Variants in PPM1A observed in about 807,000 individuals in gnomAD.
PPM1A encodes the protein protein phosphatase, Mg2+/Mn2+ dependent 1A, also known as protein phosphatase 1A.
In PPM1A, 7 loss-of-function variants were observed where a neutral mutation model predicts 35.0. The observed-to-expected ratio is 0.20, with a 90% confidence interval of 0.11 to 0.38. The LOEUF (loss-of-function observed/expected upper bound fraction) is 0.38, where lower values mean the gene tolerates loss of function less well. Among genes scored for constraint, PPM1A ranks in the 10% least tolerant of loss-of-function variants. PPM1A has a pLI of 1.00. For synonymous variants in PPM1A, 153 were observed against 167.3 expected, an observed-to-expected ratio of 0.91 and a Z score of 0.66; for missense variants, 239 against 467.8, an observed-to-expected ratio of 0.51 and a Z score of 4.51.
At chr14:60,276,010 C>T (rs572945583) in intron 1 of PPM1A, among the ~76,000 whole-genome samples, 25 of 152,038 alleles carry the variant, frequency 1.6e-4, no homozygotes, top group Non-Finnish European at 3.5e-4. Flanking sequence ...CTAAATTATC[C>T]TTTATAGAGA....
At chr14:60,258,549 G>T (rs1883395047) in intron 1 of PPM1A, among the ~76,000 whole-genome samples, 1 of 152,050 alleles carries the variant, frequency 6.6e-6, no homozygotes, top group South Asian at 2.1e-4. Context: ...AGTCATTGAT[G>T]AACAGTAATC....
chr14:60,277,668 C>A (rs1282654826), intron 1 of PPM1A, among the ~76,000 whole-genome samples: 1 of 152,048 alleles, frequency 6.6e-6, no homozygotes, highest in Non-Finnish European at 1.5e-5. Context: ...AGAGTGAGGT[C>A]CCTGCTAGTT....
intron 1 of PPM1A, among the ~76,000 whole-genome samples, chr14:60,276,607 C>T (rs575630538): frequency 4.5e-4 from 68 of 152,202 alleles, no homozygotes; most frequent in Non-Finnish European, 7.5e-4. Flanking sequence ...GCCTGGGGGG[C>T]GTTCCCTATT....
chr14:60,253,781 G>A (rs933465430), intron 1 of PPM1A, among the ~76,000 whole-genome samples: 23 of 152,162 alleles, frequency 1.5e-4, no homozygotes, highest in Non-Finnish European at 2.8e-4. Context: ...TCAAGTGGTT[G>A]ATATCCTTAA....
chr14:60,254,722 T>C (rs1882847619), intron 1 of PPM1A, among the ~76,000 whole-genome samples: 1 of 152,226 alleles, frequency 6.6e-6, no homozygotes, highest in African/African-American at 2.4e-5. Context: ...CCAACTGGTC[T>C]CTTTCCTGCT....
chr14:60,253,401 A>G (rs1160423291), intron 1 of PPM1A, among the ~76,000 whole-genome samples: 1 of 152,180 alleles, frequency 6.6e-6, no homozygotes, highest in Non-Finnish European at 1.5e-5. Context: ...TTTATAAATA[A>G]GGAAATACAG....
At chr14:60,268,153 A>G in intron 1 of PPM1A, 1 of 263,226 alleles carries the variant, frequency 3.8e-6, no homozygotes, top group Non-Finnish European at 5.9e-6. Flanking sequence ...CCAGTCCATA[A>G]TCACATATTA....
In PPM1A at chr14:60,249,227, G is replaced by T; in HGVS notation, c.-471G>T. ...GCCTGCGCGGGGCCGCGCTAGAGGC[G>T]GCGGCGGCGGCGGTGGCGGCGCTAG... On this transcript the variant is annotated 5_prime_UTR_variant, in exon 1 of 6. Transcript: ENST00000395076. This position sits in a 1 kb window ranked among gnomAD's most constrained non-coding sequence, Gnocchi z 4.5. 1 of 987,866 alleles carries T rather than the reference G, an allele frequency of 1.0e-6. No homozygotes were observed. Among genetic ancestry groups the T allele is most frequent in the Non-Finnish European group, 1.2e-6 (1 of 832,024 alleles). 61.2% of individuals were successfully genotyped at this position (987,866 alleles called of 1,614,324 possible).
At chr14:60,287,179 T>C in intron 3 of PPM1A, 2 of 940,014 alleles carry the variant, frequency 2.1e-6, no homozygotes, top group Non-Finnish European at 2.5e-6. Flanking sequence ...TTGCTACTTT[T>C]CTCTTTAGTG....
intron 1 of PPM1A, among the ~76,000 whole-genome samples, chr14:60,258,708 A>G (rs566243964): frequency 3.9e-5 from 6 of 152,220 alleles, no homozygotes; most frequent in Admixed American, 2.0e-4. Context: ...TGGCCGGCCA[A>G]CTTCTCTGAA....
intron 1 of PPM1A, among the ~76,000 whole-genome samples, chr14:60,260,108 T>A (rs181751045): frequency 0.013 from 1,973 of 152,184 alleles, 23 homozygotes; most frequent in Non-Finnish European, 0.018. Flanking sequence ...AATTATTTTT[T>A]AAAAATTTTG....
chr14:60,277,063 CT>C, intron 1 of PPM1A: 1 of 1,203,496 alleles, frequency 8.3e-7, no homozygotes, highest in Non-Finnish European at 1.1e-6. Context: ...TGAGACTCAG[CT>C]TGTACTCAAG....
chr14:60,278,405 A>T (rs1438745824), intron 1 of PPM1A, among the ~76,000 whole-genome samples: 1 of 151,652 alleles, frequency 6.6e-6, no homozygotes, highest in Non-Finnish European at 1.5e-5. Context: ...CCTTAGATGA[A>T]CCAAAGGAAA....
intron 1 of PPM1A, among the ~76,000 whole-genome samples, chr14:60,280,025 G>A (rs1277781922): frequency 1.3e-5 from 2 of 151,054 alleles, no homozygotes; most frequent in African/African-American, 2.4e-5. Context: ...TTTTTGAGAC[G>A]GAGTCTCGCT....
chr14:60,284,866 G>A (rs925903903), intron 2 of PPM1A, among the ~76,000 whole-genome samples: 1 of 151,644 alleles, frequency 6.6e-6, no homozygotes, highest in African/African-American at 2.4e-5. Flanking sequence ...TGGGTTCAGT[G>A]TTCTTTCTGC....
intron 3 of PPM1A, chr14:60,286,600 A>C (rs1887041790): frequency 2.0e-6 from 2 of 984,890 alleles, no homozygotes; most frequent in African/African-American, 1.8e-5. Flanking sequence ...CACGTTAAAG[A>C]CCTCTAATCG....
rs539969382 is a variant in PPM1A at position 60,285,975 on chromosome 14, CT to C, written c.952+238del. 76 of 1,161,606 alleles carry C rather than the reference CT, an allele frequency of 6.5e-5. No homozygotes were observed. In the East Asian group the frequency reaches 2.5e-3, roughly 38 times the overall value. The allele number at this position is 1,161,606 out of a possible 1,614,324, so 72.0% of individuals were successfully genotyped here. A position where few individuals can be genotyped will look rare whatever the true frequency, so the allele number is the denominator to read the frequency against. On this transcript the variant is annotated intron_variant, in intron 3 of 5. Transcript: ENST00000395076. ...AGTAACCCACATTCTGTTCAGGATA[CT>C]TTTGTTTTAAAAGGCTAAAATGTTT...
Position 60,295,727 on chromosome 14 carries a change from A to T in PPM1A, c.*3245A>T, listed in dbSNP as rs1373189027. The stretch of plus-strand genomic sequence containing the variant: ...ATCTGGACAATTTATAATCTAGTGT[A>T]TGTTAGTATTATAACTGGATCACTC... On this transcript the variant is annotated 3_prime_UTR_variant, in exon 6 of 6. Coordinates refer to ENST00000395076, the MANE Select transcript of PPM1A (RefSeq NM_021003.5). 3 of 151,624 alleles carry T rather than the reference A, an allele frequency of 2.0e-5. No individual in the cohort carries two copies. Among genetic ancestry groups the T allele is most frequent in the Non-Finnish European group, 3.0e-5 (2 of 67,658 alleles). The allele number at this position is 151,624 out of a possible 1,614,324, so 9.4% of individuals were successfully genotyped here.
At chr14:60,255,376 T>G (rs1196093681) in intron 1 of PPM1A, among the ~76,000 whole-genome samples, 3 of 151,630 alleles carry the variant, frequency 2.0e-5, no homozygotes, top group African/African-American at 7.3e-5. Context: ...TTTCACCGTG[T>G]TAGCCAGGAT....
Sources: gnomAD v4.1 joint callset for allele counts (sites outside exome capture counted in the v4.1 genomes callset) on GRCh38, gnomAD v4.1.1 for gene constraint, Gnocchi (gnomAD v3.1) non-coding constraint, MANE v1.5 for transcripts, NCBI Gene and HGNC (gene_info 2026-07-23, HGNC 2026-07-21) for gene names.